The following NOX4 variants were observed in gnomAD, a reference collection of about 807,000 sequenced individuals.
The protein encoded by NOX4 is NADPH oxidase 4, also known as kidney oxidase-1.
A neutral mutation model predicts 87.6 loss-of-function variants in NOX4; 69 were observed. That is an observed-to-expected ratio of 0.79 (90% CI 0.65 to 0.96). The LOEUF is 0.96. Among genes scored for constraint, NOX4 ranks in the 40% least tolerant of loss-of-function variants. The pLI, the probability that NOX4 is intolerant of heterozygous loss-of-function variation, is 0.00. For missense variants in NOX4, 680 were observed against 681.5 expected (o/e 1.00, Z 0.02); for synonymous variants, 275 against 238.2 (o/e 1.15, Z -1.42).
chr11:89,534,279 G>T, the NOX4 span, among the ~76,000 whole-genome samples: 1 of 152,184 alleles, frequency 6.6e-6, no homozygotes, highest in African/African-American at 2.4e-5. Flanking sequence ...TTATGAGCTG[G>T]CCTCAGGTAA....
At chr11:89,574,268 T>A in the NOX4 span, among the ~76,000 whole-genome samples, 13,897 of 152,138 alleles carry the variant, frequency 0.091, 1,999 homozygotes, top group African/African-American at 0.31. Context: ...CAACCCATTC[T>A]CAAGGGATTT....
chr11:89,589,223 T>C, the NOX4 span, among the ~76,000 whole-genome samples: 1 of 152,124 alleles, frequency 6.6e-6, no homozygotes, highest in Admixed American at 6.6e-5. Context: ...ATCTTTACCT[T>C]CCCACTTTTT....
chr11:89,483,772 A>G (rs1163927136), intron 2 of NOX4, among the ~76,000 whole-genome samples: 2 of 152,166 alleles, frequency 1.3e-5, no homozygotes, highest in African/African-American at 4.8e-5. Flanking sequence ...ACAAAAAAAG[A>G]TAAGCATGTA....
chr11:89,434,865 T>G (rs1943998450), intron 6 of NOX4, among the ~76,000 whole-genome samples: 1 of 152,042 alleles, frequency 6.6e-6, no homozygotes, highest in Non-Finnish European at 1.5e-5. Context: ...ACCACTCCAG[T>G]CCTGAAAAAG....
At chr11:89,496,077 C>T (rs1293863432), upstream of NOX4, among the ~76,000 whole-genome samples, 2 of 152,128 alleles carry the variant, frequency 1.3e-5, no homozygotes, top group Non-Finnish European at 2.9e-5. Context: ...ATGAAAGGCC[C>T]ACCAGGGAGC....
the NOX4 span, among the ~76,000 whole-genome samples, chr11:89,547,083 CATT>C: frequency 1.3e-5 from 2 of 152,118 alleles, no homozygotes; most frequent in Non-Finnish European, 2.9e-5. Context: ...GAATGTTCAA[CATT>C]ATTGTCATTT....
chr11:89,382,276 A>G (rs1478696625), intron 11 of NOX4, among the ~76,000 whole-genome samples: 6 of 151,990 alleles, frequency 3.9e-5, no homozygotes, highest in African/African-American at 1.5e-4. Context: ...TGTTCCAAGA[A>G]CTTAAAGCCT....
chr11:89,359,552 C>T (rs1249442209), intron 12 of NOX4, among the ~76,000 whole-genome samples: 1 of 151,730 alleles, frequency 6.6e-6, no homozygotes, highest in African/African-American at 2.4e-5. Flanking sequence ...ATATAAAAAA[C>T]AAAAGTAACA....
intron 2 of NOX4, among the ~76,000 whole-genome samples, chr11:89,468,084 G>A (rs1430357578): frequency 1.3e-5 from 2 of 152,082 alleles, no homozygotes; most frequent in African/African-American, 4.8e-5. Flanking sequence ...AGCTCATACT[G>A]TACCTCCCAC....
the NOX4 span, among the ~76,000 whole-genome samples, chr11:89,560,171 C>A: frequency 3.3e-5 from 5 of 152,028 alleles, no homozygotes; most frequent in African/African-American, 1.2e-4. Flanking sequence ...TAAAAACACA[C>A]AGGGAGAATG....
At chr11:89,502,679 A>G (rs770412082), upstream of NOX4, among the ~76,000 whole-genome samples, 7 of 152,042 alleles carry the variant, frequency 4.6e-5, no homozygotes, top group Non-Finnish European at 1.0e-4. Context: ...TTGAATTACA[A>G]CAATATGAAT....
At chr11:89,461,009 G>A (rs1292834970) in intron 2 of NOX4, among the ~76,000 whole-genome samples, 2 of 152,096 alleles carry the variant, frequency 1.3e-5, no homozygotes, top group African/African-American at 2.4e-5. Context: ...TCCTTTGTAG[G>A]GACATGGGTG....
chr11:89,425,815 T>G (rs1193547444), intron 7 of NOX4, among the ~76,000 whole-genome samples: 1 of 152,098 alleles, frequency 6.6e-6, no homozygotes, highest in African/African-American at 2.4e-5. Flanking sequence ...TAAAGACAGT[T>G]TCATTTAAGT....
At chr11:89,561,821 G>GA in the NOX4 span, among the ~76,000 whole-genome samples, 1 of 152,160 alleles carries the variant, frequency 6.6e-6, no homozygotes, top group African/African-American at 2.4e-5. Flanking sequence ...AAATACTGTG[G>GA]AAAAAAGGGG....
the NOX4 span, among the ~76,000 whole-genome samples, chr11:89,563,982 T>C: frequency 6.6e-6 from 1 of 152,194 alleles, no homozygotes; most frequent in African/African-American, 2.4e-5. Flanking sequence ...AATGACATTC[T>C]GATTTAGAGG....
At chr11:89,355,454 A>AT (rs918002668) in intron 12 of NOX4, among the ~76,000 whole-genome samples, 2 of 147,672 alleles carry the variant, frequency 1.4e-5, no homozygotes, top group African/African-American at 4.9e-5. Context: ...ATAAAAATAT[A>AT]TTTTTTTTCC....
At chr11:89,361,981 A>G (rs1334885295) in intron 12 of NOX4, among the ~76,000 whole-genome samples, 2 of 152,078 alleles carry the variant, frequency 1.3e-5, no homozygotes, top group East Asian at 1.9e-4. Context: ...TTGACTGAAC[A>G]AGGCAAGGAT....
intron 2 of NOX4, among the ~76,000 whole-genome samples, chr11:89,459,616 C>T (rs983076084): frequency 6.6e-6 from 1 of 151,908 alleles, no homozygotes; most frequent in South Asian, 2.1e-4. Flanking sequence ...TGTGAAGGAC[C>T]TCTTCAAGGA....
the NOX4 span, among the ~76,000 whole-genome samples, chr11:89,542,076 G>C: frequency 1.3e-5 from 2 of 152,134 alleles, no homozygotes; most frequent in Non-Finnish European, 2.9e-5. Context: ...CTCCCAGAGG[G>C]CTGGGATTAC....
Sources: allele counts gnomAD v4.1 joint callset (sites outside exome capture counted in the v4.1 genomes callset), GRCh38; gene constraint gnomAD v4.1.1; transcripts MANE v1.5; gene names NCBI Gene and HGNC (gene_info 2026-07-23, HGNC 2026-07-21).